The following TBP variants were observed in gnomAD, a reference collection of about 807,000 sequenced individuals.
TBP encodes TATA-box-binding protein.
A neutral mutation model predicts 46.2 loss-of-function variants in TBP; 12 were observed. The observed-to-expected ratio is 0.26, with a 90% CI of 0.17 to 0.42. The LOEUF is 0.42. Among genes scored for constraint, TBP ranks in the 10% least tolerant of loss-of-function variants. The probability of loss-of-function intolerance (pLI) is 1.00; values close to 1 mark genes in which losing one functional copy is unlikely to be tolerated. For missense variants in TBP, 229 were observed against 403.1 expected (o/e 0.57, Z 3.70); for synonymous variants, 157 against 148.3 (o/e 1.06, Z -0.42).
chr6:170,565,807 T>A (rs1436691371), intron 4 of TBP, among the ~76,000 whole-genome samples: 1 of 152,192 alleles, frequency 6.6e-6, no homozygotes, highest in Non-Finnish European at 1.5e-5. Context: ...GCATGGTGAC[T>A]CAGACCTGTA....
intron 5 of TBP, among the ~76,000 whole-genome samples, chr6:170,568,379 T>C (rs1234074028): frequency 6.6e-6 from 1 of 152,126 alleles, no homozygotes; most frequent in Non-Finnish European, 1.5e-5. Context: ...AGCATATATA[T>C]ATATGCTTGA....
At chr6:170,558,579 C>G (rs1039713407) in intron 2 of TBP, among the ~76,000 whole-genome samples, 2 of 152,116 alleles carry the variant, frequency 1.3e-5, no homozygotes, top group African/African-American at 4.8e-5. Flanking sequence ...ATTATTTTTC[C>G]AAAAGTGTGT....
chr6:170,558,709 AT>A (rs957387679), intron 2 of TBP, among the ~76,000 whole-genome samples: 2 of 129,600 alleles, frequency 1.5e-5, no homozygotes, highest in African/African-American at 6.0e-5. Context: ...TTTTTTTTTA[AT>A]TTTTTTTTTC....
intron 5 of TBP, among the ~76,000 whole-genome samples, chr6:170,568,383 T>C (rs1297221854): frequency 6.6e-6 from 1 of 152,152 alleles, no homozygotes; most frequent in Non-Finnish European, 1.5e-5. Flanking sequence ...TATATATATA[T>C]GCTTGATTTT....
At chr6:170,571,975 T>C (rs1378858424) in intron 7 of TBP, among the ~76,000 whole-genome samples, 1 of 151,338 alleles carries the variant, frequency 6.6e-6, no homozygotes, top group African/African-American at 2.4e-5. Flanking sequence ...GACGCTGGAG[T>C]CACTAAGATG....
chr6:170,557,564 A>G (rs1779051691), intron 2 of TBP, among the ~76,000 whole-genome samples: 1 of 151,830 alleles, frequency 6.6e-6, no homozygotes, highest in South Asian at 2.1e-4. Context: ...GTGAAACCTC[A>G]TCTCTACAAA....
chr6:170,569,059 C>A (rs12664331), intron 5 of TBP, among the ~76,000 whole-genome samples: 75 of 151,678 alleles, frequency 4.9e-4, no homozygotes, highest in East Asian at 4.9e-3. Flanking sequence ...GTGAGCTATC[C>A]GCCTTGGCCT....
At chr6:170,571,726 G>A (rs1779369506) in intron 7 of TBP, among the ~76,000 whole-genome samples, 1 of 152,116 alleles carries the variant, frequency 6.6e-6, no homozygotes, top group South Asian at 2.1e-4. Flanking sequence ...CAGTGAGGAG[G>A]TGAGCATTGC....
chr6:170,572,485 C>T lies in TBP; in HGVS notation c.*220C>T. ...CACCGCGCAGCGTGACTGTGAGTTGCTCATACCGTGCTGCTATCTGGGCAG... is the reference window on the plus strand; with the variant it reads ...CACCGCGCAGCGTGACTGTGAGTTGTTCATACCGTGCTGCTATCTGGGCAG... On this transcript the variant is annotated 3_prime_UTR_variant, in exon 8 of 8. Coordinates refer to ENST00000392092, the MANE Select transcript of TBP (RefSeq NM_003194.5). 2 of 575,626 alleles carry T rather than the reference C, an allele frequency of 3.5e-6. No individual in the cohort carries two copies. The highest frequency in any genetic ancestry group is 2.2e-5 in the South Asian group (1 of 44,654). The allele number at this position is 575,626 out of a possible 1,614,324, so 35.7% of individuals were successfully genotyped here. A position where few individuals can be genotyped will look rare whatever the true frequency, so the allele number is the denominator to read the frequency against.
chr6:170,566,546 A>G (rs1054739345), intron 4 of TBP, among the ~76,000 whole-genome samples: 4 of 98,122 alleles, frequency 4.1e-5, no homozygotes, highest in African/African-American at 2.2e-4. Context: ...AATAAAACAA[A>G]ATGTATCAGA....
chr6:170,565,377 C>T (rs1283225216), intron 4 of TBP, among the ~76,000 whole-genome samples: 1 of 152,046 alleles, frequency 6.6e-6, no homozygotes, highest in African/African-American at 2.4e-5. Flanking sequence ...ATGATGTTAG[C>T]CAGCTATAGT....
chr6:170,554,806 A>G (rs1778984523), intron 1 of TBP: 1 of 152,258 alleles, frequency 6.6e-6, no homozygotes, highest in Non-Finnish European at 1.5e-5. Flanking sequence ...CTTCTTCTCC[A>G]TGTTAGAAGC....
intron 1 of TBP, 61 bp from the exon 2 acceptor site, chr6:170,556,808 CATAGAACTGGCTT>C (rs1779039430): frequency 2.4e-6 from 1 of 419,140 alleles, no homozygotes; most frequent in Non-Finnish European, 4.3e-6. Flanking sequence ...TTTGTATAGC[CATAGAACTGGCTT>C]ATAGGACTGT....
chr6:170,569,894 A>G (rs1779339290), intron 6 of TBP, 115 bp downstream of exon 6: 2 of 975,486 alleles, frequency 2.1e-6, no homozygotes, highest in Admixed American at 2.8e-5. Context: ...TGACATGGTT[A>G]TAGTTGTATG....
chr6:170,567,057 A>G, intron 5 of TBP, 48 bp downstream of exon 5: 3 of 1,497,594 alleles, frequency 2.0e-6, no homozygotes, highest in East Asian at 4.6e-5. Flanking sequence ...ATGAATGAAA[A>G]GGTGATATCT....
In TBP at chr6:170,567,671, C is replaced by T. The variant is rs201952922; in HGVS notation, c.677+662C>T. Among the ~76,000 whole-genome samples the T allele has an allele frequency of 3.4e-4, 52 of 152,284 alleles. No homozygotes were observed. The East Asian group carries it at 8.7e-3, about 25-fold the overall frequency. ...TTGCAGACCTTATTGGGCCTGGCAG[C>T]GTGACAGCATCACATGTGTTGGCTG... On this transcript the variant is annotated intron_variant, in intron 5 of 7. Coordinates refer to ENST00000392092, the MANE Select transcript of TBP (RefSeq NM_003194.5).
rs960135866 is a variant in TBP, at chr6:170,572,737, A to G, written c.*472A>G. ...CTCCTAGGGGTTATTTCTGTGCCAG[A>G]CACATTCCACCTCTCCAGTATTGCA... On this transcript the variant is annotated 3_prime_UTR_variant, in exon 8 of 8. Transcript: ENST00000392092. 4.4e-5 allele frequency: 7 copies of G among 160,758 alleles called. No homozygotes were observed. The highest frequency in any genetic ancestry group is 9.5e-5 in the Non-Finnish European group (7 of 73,800). The allele number at this position is 160,758 out of a possible 1,614,324, so 10.0% of individuals were successfully genotyped here.
At chr6:170,557,550 C>T (rs748604532) in intron 2 of TBP, among the ~76,000 whole-genome samples, 4 of 151,958 alleles carry the variant, frequency 2.6e-5, no homozygotes, top group East Asian at 1.9e-4. Flanking sequence ...GCCTGGCCAA[C>T]GTGGTGAAAC....
chr6:170,572,261 C>A lies in TBP; in HGVS notation c.1016C>A (p.Thr339Lys). The change falls in exon 8 of 8, where the codon ACG becomes AAG. Residue 339 changes from threonine (T) to lysine (K), a missense_variant. Coordinates refer to ENST00000392092, the MANE Select transcript of TBP (RefSeq NM_003194.5). ...ATTCTAAAGGGATTCAGGAAGACGA[C>A]GTAATGGCTCTCATGTACCCTTGCC... The part of the protein sequence containing the change: ...YPILKGFRKT[T>K] 1 of 1,612,030 alleles carries A rather than the reference C, an allele frequency of 6.2e-7. No individual in the cohort carries two copies. The highest frequency in any genetic ancestry group is 8.5e-7 in the Non-Finnish European group (1 of 1,178,658).
Sources: gnomAD v4.1 joint callset for allele counts (sites outside exome capture counted in the v4.1 genomes callset) on GRCh38, gnomAD v4.1.1 for gene constraint, MANE v1.5 for transcripts, NCBI Gene and HGNC (gene_info 2026-07-23, HGNC 2026-07-21) for gene names.